The following MECOM variants were observed in gnomAD, a reference collection of about 807,000 sequenced individuals.
MECOM encodes the protein histone-lysine N-methyltransferase MECOM.
In MECOM, 13 loss-of-function variants were observed where a neutral mutation model predicts 116.3. The observed-to-expected ratio is 0.11, with a 90% confidence interval of 0.07 to 0.18. MECOM has a LOEUF of 0.18. Ranked by LOEUF, MECOM falls within the 10% of genes least tolerant of loss-of-function variation. The pLI is 1.00. For missense variants in MECOM, 1,299 were observed against 1,509.0 expected, an observed-to-expected ratio of 0.86 and a Z score of 2.31; for synonymous variants, 528 against 535.2, an observed-to-expected ratio of 0.99 and a Z score of 0.19.
chr3:169,351,504 C>T (rs971717050), intron 2 of MECOM, among the ~76,000 whole-genome samples: 1 of 151,716 alleles, frequency 6.6e-6, no homozygotes, highest in African/African-American at 2.4e-5. Context: ...ATTATCTATT[C>T]CACATTAAAG....
intron 2 of MECOM, among the ~76,000 whole-genome samples, chr3:169,282,352 G>A (rs928642941): frequency 6.6e-5 from 10 of 152,122 alleles, no homozygotes; most frequent in Admixed American, 5.9e-4. Context: ...GAGGGATATC[G>A]AGTTGCTAAA....
chr3:169,186,142 C>A (rs1388122712), intron 2 of MECOM, among the ~76,000 whole-genome samples: 1 of 152,024 alleles, frequency 6.6e-6, no homozygotes, highest in African/African-American at 2.4e-5. Context: ...TGGACTGTGT[C>A]CCTCACTTGA....
At chr3:169,435,727 T>G (rs1742520444) in intron 1 of MECOM, among the ~76,000 whole-genome samples, 1 of 152,198 alleles carries the variant, frequency 6.6e-6, no homozygotes, top group South Asian at 2.1e-4. Context: ...ATTTCTTAAT[T>G]CCGTTTATTT....
chr3:169,504,601 T>G (rs1047146571), intron 1 of MECOM, among the ~76,000 whole-genome samples: 2 of 152,210 alleles, frequency 1.3e-5, no homozygotes, highest in Non-Finnish European at 2.9e-5. Flanking sequence ...CCTTTCATAC[T>G]GTATCATTTG....
intron 1 of MECOM, among the ~76,000 whole-genome samples, chr3:169,434,764 TATA>T (rs1254450280): frequency 6.6e-6 from 1 of 152,226 alleles, no homozygotes; most frequent in Non-Finnish European, 1.5e-5. Context: ...ATTCAATAAA[TATA>T]ATGATAGTGT....
intron 12 of MECOM, 87 bp downstream of exon 12, chr3:169,100,782 TTAAACTTTAATTATTA>T (rs1272168673): frequency 4.8e-6 from 3 of 630,012 alleles, no homozygotes; most frequent in Non-Finnish European, 6.5e-6. Context: ...CGCATAAAAT[TTAAACTTTAATTATTA>T]TAAACTTTAA....
chr3:169,204,466 T>C (rs1201467316), intron 2 of MECOM, among the ~76,000 whole-genome samples: 2 of 152,210 alleles, frequency 1.3e-5, no homozygotes, highest in African/African-American at 4.8e-5. Flanking sequence ...TAGTTTATCA[T>C]CATTGTTTTG....
chr3:169,594,154 C>CAAAAAAAAAAAAAAAAAAAAAAAA (rs34331048), intron 1 of MECOM, among the ~76,000 whole-genome samples: 1 of 45,708 alleles, frequency 2.2e-5, no homozygotes, highest in Admixed American at 2.1e-4. Context: ...ACCACCACCA[C>CAAAAAAAAAAAAAAAAAAAAAAAA]AAAAAAAAAA....
At chr3:169,112,577 A>G (rs1727779365) in intron 9 of MECOM, among the ~76,000 whole-genome samples, 1 of 152,174 alleles carries the variant, frequency 6.6e-6, no homozygotes, top group Admixed American at 6.6e-5. Context: ...CAATCATTTA[A>G]CACTGAAATC....
chr3:169,593,157 C>A (rs1766637562), intron 1 of MECOM, among the ~76,000 whole-genome samples: 1 of 152,206 alleles, frequency 6.6e-6, no homozygotes, highest in South Asian at 2.1e-4. Flanking sequence ...TCCTCAGAAG[C>A]TGGGACTACA....
chr3:169,390,537 T>A (rs903098596), intron 1 of MECOM, among the ~76,000 whole-genome samples: 13 of 152,150 alleles, frequency 8.5e-5, no homozygotes, highest in African/African-American at 3.1e-4. Flanking sequence ...CTGCACCCCT[T>A]CACATGCTAA....
At chr3:169,660,956 T>C (rs531346746) in intron 1 of MECOM, among the ~76,000 whole-genome samples, 1 of 152,292 alleles carries the variant, frequency 6.6e-6, no homozygotes, top group East Asian at 1.9e-4. Flanking sequence ...AGTTGAGATC[T>C]AGCTATCAGA....
chr3:169,508,030 G>A (rs1301964305), intron 1 of MECOM, among the ~76,000 whole-genome samples: 1 of 152,076 alleles, frequency 6.6e-6, no homozygotes, highest in African/African-American at 2.4e-5. Context: ...TTCAATCCAT[G>A]GAGAAAAGAA....
intron 2 of MECOM, among the ~76,000 whole-genome samples, chr3:169,325,241 A>T (rs1405308254): frequency 6.6e-6 from 1 of 152,164 alleles, no homozygotes; most frequent in Non-Finnish European, 1.5e-5. Context: ...ATATCTTTCT[A>T]GCAACCAACC....
chr3:169,460,536 G>A (rs1747267341), intron 1 of MECOM, among the ~76,000 whole-genome samples: 1 of 152,072 alleles, frequency 6.6e-6, no homozygotes, highest in South Asian at 2.1e-4. Context: ...TTATAACAGA[G>A]GCAATTAAAT....
chr3:169,659,399 G>A (rs369164630), intron 1 of MECOM, among the ~76,000 whole-genome samples: 116 of 146,302 alleles, frequency 7.9e-4, no homozygotes, highest in African/African-American at 2.7e-3. Context: ...CTGGAGATGA[G>A]GGAAGAATGA....
chr3:169,485,964 C>CTATATATATACATATATATATAGTATATA (rs371192814), intron 1 of MECOM, among the ~76,000 whole-genome samples: 1 of 94,392 alleles, frequency 1.1e-5, no homozygotes, highest in Admixed American at 1.2e-4. Context: ...TACATATATA[C>CTATATATATACATATATATATAGTATATA]TATATATACA....
At chr3:169,625,263 G>A (rs1771228586) in intron 1 of MECOM, among the ~76,000 whole-genome samples, 4 of 151,944 alleles carry the variant, frequency 2.6e-5, no homozygotes, top group Admixed American at 2.6e-4. Flanking sequence ...ATTTTCCAAT[G>A]GAATGTGTAT....
At chr3:169,288,702 G>A (rs1560092101) in intron 2 of MECOM, among the ~76,000 whole-genome samples, 1 of 152,196 alleles carries the variant, frequency 6.6e-6, no homozygotes, top group Non-Finnish European at 1.5e-5. Context: ...GTGTGTGTGT[G>A]TTCCAAGTGC....
Sources: allele counts gnomAD v4.1 joint callset (sites outside exome capture counted in the v4.1 genomes callset), GRCh38; gene constraint gnomAD v4.1.1; transcripts MANE v1.5; gene names NCBI Gene and HGNC (gene_info 2026-07-23, HGNC 2026-07-21).